The following CNKSR3 variants were observed in gnomAD, a reference collection of about 807,000 sequenced individuals.
CNKSR3 encodes connector enhancer of kinase suppressor of ras 3.
In CNKSR3, 36 loss-of-function variants were observed where a neutral mutation model predicts 67.7. The ratio of observed to expected loss-of-function variants is 0.53; its 90% CI spans 0.41 to 0.70. The LOEUF is 0.70. CNKSR3 is among the 30% of genes least tolerant of loss of function. The pLI, the probability that CNKSR3 is intolerant of heterozygous loss-of-function variation, is 0.00. For synonymous variants in CNKSR3, 281 were observed against 271.4 expected (o/e 1.04, Z -0.35); for missense variants, 630 against 695.2 (o/e 0.91, Z 1.05).
At chr6:154,436,109 T>TA (rs201486653) in intron 4 of CNKSR3, among the ~76,000 whole-genome samples, 1 of 152,386 alleles carries the variant, frequency 6.6e-6, no homozygotes, top group East Asian at 1.9e-4. Flanking sequence ...CAAGTGTGGA[T>TA]AGACACCTGA....
chr6:154,422,857 T>C (rs1785175012), intron 8 of CNKSR3, 58 bp downstream of exon 8: 3 of 1,394,584 alleles, frequency 2.2e-6, no homozygotes, highest in South Asian at 1.2e-5. Context: ...AACAAAATGG[T>C]TTTAGATTTA....
At chr6:154,473,962 T>C (rs2114630448) in intron 1 of CNKSR3, among the ~76,000 whole-genome samples, 1 of 151,786 alleles carries the variant, frequency 6.6e-6, no homozygotes, top group East Asian at 2.0e-4. Context: ...TTTTTGTATT[T>C]TTAGTATAGA....
At chr6:154,499,775 A>G (rs1388135445) in intron 1 of CNKSR3, among the ~76,000 whole-genome samples, 1 of 152,116 alleles carries the variant, frequency 6.6e-6, no homozygotes, top group African/African-American at 2.4e-5. Context: ...CGGCCTGTCC[A>G]TCTCTGATTT....
rs1229335860 is a variant in CNKSR3 at position 154,455,490 on chromosome 6, T to C, written c.53-5232A>G. ...TCATCTGCTTTTATTTTCTTTCCTT[T>C]TTTTTTTTCAGACAGAGTTTCTTTC... On this transcript the variant is annotated intron_variant, in intron 1 of 12. Coordinates refer to ENST00000607772, the MANE Select transcript of CNKSR3 (RefSeq NM_173515.4). Among the ~76,000 whole-genome samples, 3 of 151,792 alleles carry C rather than the reference T, an allele frequency of 2.0e-5. No individual in the cohort carries two copies. In the East Asian group the frequency reaches 5.8e-4, roughly 29 times the overall value.
At chr6:154,452,142 GT>G (rs1785848174) in intron 1 of CNKSR3, among the ~76,000 whole-genome samples, 1 of 152,164 alleles carries the variant, frequency 6.6e-6, no homozygotes, top group South Asian at 2.1e-4. Flanking sequence ...TAACTATTTT[GT>G]TGATGAAAGA....
At chr6:154,456,435 C>T (rs772394667) in intron 1 of CNKSR3, among the ~76,000 whole-genome samples, 9 of 151,242 alleles carry the variant, frequency 6.0e-5, no homozygotes, top group East Asian at 1.9e-4. Flanking sequence ...CGGTGGCTCA[C>T]GTCTGTGATC....
At chr6:154,430,616 A>G (rs41292916) in intron 5 of CNKSR3, 25 bp from the exon 6 acceptor site, 59,371 of 1,590,666 alleles carry the variant, frequency 0.037, 1,302 homozygotes, top group Non-Finnish European at 0.044. Flanking sequence ...GCAAATAGTC[A>G]GGAAAGTTCA....
chr6:154,409,811 A>G (rs984590109), intron 12 of CNKSR3, among the ~76,000 whole-genome samples: 14 of 151,860 alleles, frequency 9.2e-5, no homozygotes, highest in Admixed American at 2.6e-4. Flanking sequence ...TGGGAGGCTG[A>G]GGCAGGAAGA....
At chr6:154,471,699 A>G (rs1471224049) in intron 1 of CNKSR3, among the ~76,000 whole-genome samples, 1 of 152,172 alleles carries the variant, frequency 6.6e-6, no homozygotes, top group Non-Finnish European at 1.5e-5. Context: ...GACCTCATCA[A>G]ACAGACTGGA....
rs1024400021 is a variant in CNKSR3, at chr6:154,411,489, A to T, written c.1071-347T>A. On this transcript the variant is annotated intron_variant, in intron 10 of 12. Transcript: ENST00000607772. ...AGGTGAAACCCCATCTCTACTAAAA[A>T]TACAAAAATTAGCCAGGTGTGGTGG... 2.6e-5 allele frequency among the ~76,000 whole-genome samples: 4 copies of T among 152,302 alleles called. No homozygotes were observed. The East Asian group carries it at 7.7e-4, about 29-fold the overall frequency.
intron 4 of CNKSR3, among the ~76,000 whole-genome samples, chr6:154,440,888 C>A (rs1785566864): frequency 6.6e-6 from 1 of 151,824 alleles, no homozygotes; most frequent in South Asian, 2.1e-4. Context: ...ACTGGTAAAT[C>A]CAACAACAAG....
intron 10 of CNKSR3, among the ~76,000 whole-genome samples, chr6:154,411,612 C>T (rs1584052815): frequency 1.7e-5 from 2 of 117,008 alleles, no homozygotes; most frequent in African/African-American, 6.7e-5. Context: ...CCAGCCTGGG[C>T]AATGGAGCGA....
intron 5 of CNKSR3, 112 bp from the exon 6 acceptor site, chr6:154,430,703 T>C (rs758802721): frequency 1.0e-4 from 105 of 1,052,790 alleles, no homozygotes; most frequent in Non-Finnish European, 1.3e-4. Context: ...TGGTTGGCAA[T>C]CATTTTGATA....
chr6:154,471,470 G>A (rs1386730885), intron 1 of CNKSR3, among the ~76,000 whole-genome samples: 7 of 152,108 alleles, frequency 4.6e-5, no homozygotes, highest in Admixed American at 4.6e-4. Flanking sequence ...AATCCAGGAG[G>A]CGGAGGTTGC....
At chr6:154,442,035 G>A in intron 3 of CNKSR3, 53 bp downstream of exon 3, 2 of 1,476,940 alleles carry the variant, frequency 1.4e-6, no homozygotes, top group Admixed American at 2.1e-5. Context: ...CTTCCATGCA[G>A]CTTGGACTCT....
intron 1 of CNKSR3, among the ~76,000 whole-genome samples, chr6:154,506,367 A>T (rs1263225258): frequency 1.3e-5 from 2 of 152,218 alleles, no homozygotes; most frequent in Non-Finnish European, 2.9e-5. Flanking sequence ...AAACAAAAGA[A>T]GGAAAAAGAA....
At chr6:154,420,724 G>T (rs1231255950) in intron 9 of CNKSR3, among the ~76,000 whole-genome samples, 1 of 145,584 alleles carries the variant, frequency 6.9e-6, no homozygotes, top group Admixed American at 6.9e-5. Flanking sequence ...AAAATGCATT[G>T]CATGCTAGAA....
At chr6:154,489,090 T>C (rs1159573959) in intron 1 of CNKSR3, among the ~76,000 whole-genome samples, 2 of 152,274 alleles carry the variant, frequency 1.3e-5, no homozygotes, top group East Asian at 3.9e-4. Context: ...TCATTTCAAG[T>C]ATAACCTGTG....
intron 1 of CNKSR3, among the ~76,000 whole-genome samples, chr6:154,505,815 G>A (rs1206957535): frequency 1.3e-5 from 2 of 152,048 alleles, no homozygotes; most frequent in Non-Finnish European, 2.9e-5. Context: ...CACAATTGTT[G>A]AGAGCCTACC....
Sources: allele counts gnomAD v4.1 joint callset (sites outside exome capture counted in the v4.1 genomes callset), GRCh38; gene constraint gnomAD v4.1.1; transcripts MANE v1.5; gene names NCBI Gene and HGNC (gene_info 2026-07-23, HGNC 2026-07-21).